The following HAS1 variants were observed in gnomAD, a reference collection of about 807,000 sequenced individuals.
HAS1 encodes HA synthase 1.
In HAS1, 27 loss-of-function variants were observed where a neutral mutation model predicts 35.0. The observed-to-expected ratio is 0.77, with a 90% CI of 0.57 to 1.06. The LOEUF is 1.06. HAS1 is among the 50% of genes least tolerant of loss of function. The pLI, the probability that HAS1 is intolerant of heterozygous loss-of-function variation, is 0.00. For synonymous variants in HAS1, 409 were observed against 371.2 expected, an observed-to-expected ratio of 1.10 and a Z score of -1.17; for missense variants, 940 against 814.8, an observed-to-expected ratio of 1.15 and a Z score of -1.87.
At chr19:51,718,632 G>A (rs1420004885) in intron 2 of HAS1, among the ~76,000 whole-genome samples, 1 of 152,148 alleles carries the variant, frequency 6.6e-6, no homozygotes, top group Non-Finnish European at 1.5e-5. Context: ...CGCCTCCCGG[G>A]TTCAAAAGAT....
At chr19:51,721,122 T>G (rs1551155) in intron 1 of HAS1, among the ~76,000 whole-genome samples, 3 of 152,054 alleles carry the variant, frequency 2.0e-5, no homozygotes, top group African/African-American at 7.2e-5. Flanking sequence ...TGCCCAAGGT[T>G]GTCCCTGGAA....
intron 4 of HAS1, 130 bp downstream of exon 4, chr19:51,716,126 C>G: frequency 1.2e-6 from 1 of 819,794 alleles, no homozygotes; most frequent in Non-Finnish European, 2.0e-6. Flanking sequence ...CCTCTCTCCT[C>G]TAAAGTCTCA....
In HAS1 at chr19:51,723,940, G is replaced by T; in HGVS notation, c.-7C>A. On this transcript the variant is annotated 5_prime_UTR_variant, in exon 1 of 5. Coordinates refer to ENST00000540069, the MANE Select transcript of HAS1 (RefSeq NM_001297436.2). Reference sequence around the variant, plus strand: ...ACACACACACCTGTCTCATCGCAGTGGGTCTGGCCGGGCTCTCTCTTCTCT... The same window carrying T: ...ACACACACACCTGTCTCATCGCAGTTGGTCTGGCCGGGCTCTCTCTTCTCT... 6.6e-7 allele frequency: 1 copy of T among 1,518,614 alleles called. No individual in the cohort carries two copies. 94.1% of individuals were successfully genotyped at this position (1,518,614 alleles called of 1,614,324 possible). A position where few individuals can be genotyped will look rare whatever the true frequency, so the allele number is the denominator to read the frequency against.
rs143134241 is a variant in HAS1, at chr19:51,716,286, T to C, written c.1028A>G (p.Asn343Ser). 5.0e-6 allele frequency: 8 copies of C among 1,613,890 alleles called. No individual in the cohort carries two copies. In the African/African-American group the frequency reaches 6.7e-5, roughly 13 times the overall value. The change falls in exon 4 of 5, where the codon AAC (asparagine) becomes AGC (serine). Residue 343 changes from asparagine (N) to serine (S), a missense_variant. Transcript: ENST00000540069. ...CTFGDDRHLT[N>S]RMLSMGYATK... ...AGCATAACCCATGCTGAGCATGCGG[T>C]TGGTGAGGTGCCGGTCATCCCCAAA... is the stretch of plus-strand genomic sequence containing the variant.
chr19:51,716,305 C>T lies in HAS1; in HGVS notation c.1009G>A (p.Asp337Asn), dbSNP rs1313761117. Residue 337 changes from aspartate to asparagine, a missense_variant, in exon 4 of 5, where the codon GAT becomes AAT. Asp to Asn is a conservative substitution (Grantham distance 23). Transcript: ENST00000540069. Reference sequence around the variant, plus strand: ...ATGCGGTTGGTGAGGTGCCGGTCATCCCCAAAAGTACAGTGGGTACCCAGG... The same window carrying T: ...ATGCGGTTGGTGAGGTGCCGGTCATTCCCAAAAGTACAGTGGGTACCCAGG... The part of the protein sequence containing the change: ...KFLGTHCTFG[D>N]DRHLTNRMLS... The T allele has an allele frequency of 6.2e-7, 1 of 1,613,792 alleles. No homozygotes were observed. The highest frequency in any genetic ancestry group is 1.3e-5 in the African/African-American group (1 of 74,906).
chr19:51,723,761 C>T (rs555350759), intron 1 of HAS1, among the ~76,000 whole-genome samples, 164 bp downstream of exon 1: 1 of 152,270 alleles, frequency 6.6e-6, no homozygotes, highest in African/African-American at 2.4e-5. Context: ...CTCACATGCT[C>T]ACTGTCCCCT....
chr19:51,713,514 GC>G lies in HAS1; in HGVS notation c.1646del (p.Gly549AlafsTer7). 1 of 1,604,900 alleles carries G rather than the reference GC, an allele frequency of 6.2e-7. No homozygotes were observed. The highest frequency in any genetic ancestry group is 8.5e-7 in the Non-Finnish European group (1 of 1,176,520). On this transcript the variant is annotated frameshift_variant, in exon 5 of 5. Coordinates refer to ENST00000540069, the MANE Select transcript of HAS1 (RefSeq NM_001297436.2). LOFTEE classifies it high-confidence loss of function. This position sits in a 1 kb window ranked among gnomAD's most constrained non-coding sequence, Gnocchi z 4.5. The stretch of plus-strand genomic sequence containing the variant: ...ACAGCGTCAACATGGCCACCCAGTA[GC>G]CCACGTAGGCGCCGGCCCCCGCGGC... ...HLAAGAGAYV[G>X]YWVAMLTLYW... is the part of the protein sequence containing the mutation.
At chr19:51,715,547 A>C (rs916460116) in intron 4 of HAS1, among the ~76,000 whole-genome samples, 8 of 152,114 alleles carry the variant, frequency 5.3e-5, no homozygotes, top group Non-Finnish European at 1.0e-4. Flanking sequence ...AACTGATGTA[A>C]TCAATTGGTG....
intron 2 of HAS1, among the ~76,000 whole-genome samples, chr19:51,717,810 G>C (rs575540802): frequency 5.5e-4 from 84 of 152,264 alleles, no homozygotes; most frequent in African/African-American, 1.9e-3. Flanking sequence ...GTGATATCCT[G>C]AAAAAAGGAT....
chr19:51,721,181 T>C (rs1429643109), intron 1 of HAS1, among the ~76,000 whole-genome samples: 3 of 152,126 alleles, frequency 2.0e-5, no homozygotes, highest in Admixed American at 6.5e-5. Context: ...TCTAAACCTC[T>C]AGCCCTCGGG....
At position 51,716,121 on chromosome 19, in the gene HAS1, C is replaced by G. The variant is rs1051017080; in HGVS notation, c.1058+135G>C. The G allele has an allele frequency of 1.7e-5, 13 of 776,544 alleles. No homozygotes were observed. The African/African-American group carries it at 2.1e-4, about 12-fold the overall frequency. 48.1% of individuals were successfully genotyped at this position (776,544 alleles called of 1,614,324 possible). A position where few individuals can be genotyped will look rare whatever the true frequency, so the allele number is the denominator to read the frequency against. Reference sequence around the variant, plus strand: ...TCTGCCCATTATGGTATCCTCCTCTCTCCTCTAAAGTCTCACTTGATAGAG... The same window carrying G: ...TCTGCCCATTATGGTATCCTCCTCTGTCCTCTAAAGTCTCACTTGATAGAG... On this transcript the variant is annotated intron_variant, in intron 4 of 4. Coordinates refer to ENST00000540069, the MANE Select transcript of HAS1 (RefSeq NM_001297436.2).
intron 4 of HAS1, 36 bp from the exon 5 acceptor site, chr19:51,714,138 G>A (rs2083567142): frequency 2.5e-6 from 4 of 1,587,842 alleles, no homozygotes; most frequent in East Asian, 4.6e-5. Context: ...ATCATCGCGT[G>A]CTCCCTGGGG....
intron 1 of HAS1, among the ~76,000 whole-genome samples, chr19:51,722,518 A>T (rs758410110): frequency 3.3e-5 from 5 of 152,246 alleles, no homozygotes; most frequent in Non-Finnish European, 5.9e-5. Flanking sequence ...TATATGTAGC[A>T]GGGGTCGGCA....
At chr19:51,723,188 G>A (rs1000759585) in intron 1 of HAS1, among the ~76,000 whole-genome samples, 2 of 152,092 alleles carry the variant, frequency 1.3e-5, no homozygotes, top group Non-Finnish European at 2.9e-5. Flanking sequence ...GAAATTACTC[G>A]TGTTCTACAG....
At chr19:51,714,370 C>CTAAATAAA (rs112842145) in intron 4 of HAS1, among the ~76,000 whole-genome samples, 5,169 of 144,020 alleles carry the variant, frequency 0.036, 133 homozygotes, top group African/African-American at 0.068. Context: ...CCCATCTCTA[C>CTAAATAAA]TAAATAAATA....
Position 51,719,730 on chromosome 19 carries a change from C to A in HAS1, c.175G>T (p.Gly59Trp). 1 of 1,569,010 alleles carries A rather than the reference C, an allele frequency of 6.4e-7. No individual in the cohort carries two copies. Among genetic ancestry groups the A allele is most frequent in the African/African-American group, 1.4e-5 (1 of 73,952 alleles). ...ACCAGGTGCGCTGAAAGGAAGGCCC[C>A]GTAGAGGCCGAAGGCCAGGAGGCCG... ...RYGLLAFGLY[G>W]AFLSAHLVAQ... Residue 59 changes from glycine (G) to tryptophan (W), a missense_variant, in exon 2 of 5, where the codon GGG becomes TGG. By Grantham distance (184) the Gly-to-Trp change is radical. Coordinates refer to ENST00000540069, the MANE Select transcript of HAS1 (RefSeq NM_001297436.2).
chr19:51,718,243 A>T (rs1242202648), intron 2 of HAS1, among the ~76,000 whole-genome samples: 1 of 152,100 alleles, frequency 6.6e-6, no homozygotes, highest in African/African-American at 2.4e-5. Flanking sequence ...TCTCAAAAAA[A>T]AAAAAAGATT....
chr19:51,716,349 G>T lies in HAS1; in HGVS notation c.965C>A (p.Ala322Asp). The change falls in exon 4 of 5, where the codon GCC (alanine) becomes GAC (aspartate). Residue 322 changes from alanine to aspartate, a missense_variant. Ala to Asp is a moderately radical substitution (Grantham distance 126). Transcript: ENST00000540069. ...RNNLLQQFLE[A>D]WYNQKFLGTH... is the part of the protein sequence containing the mutation. ...ACCCAGGAACTTCTGGTTGTACCAG[G>T]CCTCAAGAAACTGCTGCAAGAGGTT... 5.0e-6 allele frequency: 8 copies of T among 1,613,626 alleles called. No homozygotes were observed. The Middle Eastern group carries it at 5.0e-4, about 100-fold the overall frequency.
At chr19:51,717,241 T>C (rs2083593891) in intron 2 of HAS1, 48 bp from the exon 3 acceptor site, 1 of 1,321,778 alleles carries the variant, frequency 7.6e-7, no homozygotes, top group Non-Finnish European at 1.1e-6. Context: ...TGCATCAGGC[T>C]GATGCTTGAG....
Sources: allele counts gnomAD v4.1 joint callset (sites outside exome capture counted in the v4.1 genomes callset), GRCh38; gene constraint gnomAD v4.1.1; non-coding constraint Gnocchi (gnomAD v3.1); transcripts MANE v1.5; gene names NCBI Gene and HGNC (gene_info 2026-07-23, HGNC 2026-07-21).